Variants in NOS1AP observed in about 807,000 individuals in gnomAD.
NOS1AP encodes nitric oxide synthase 1 adaptor protein.
NOS1AP carries 21 observed loss-of-function variants against 56.2 expected under a neutral mutation model. The observed-to-expected ratio is 0.37, with a 90% CI of 0.26 to 0.54. NOS1AP has a LOEUF of 0.54. NOS1AP is among the 20% of genes least tolerant of loss of function. The pLI is 0.84. For synonymous variants in NOS1AP, 270 were observed against 274.6 expected (o/e 0.98, Z 0.17); for missense variants, 522 against 657.8 (o/e 0.79, Z 2.26).
intron 4 of NOS1AP, among the ~76,000 whole-genome samples, chr1:162,305,315 C>T (rs571241756): frequency 2.6e-4 from 39 of 152,120 alleles, no homozygotes; most frequent in African/African-American, 8.9e-4. Context: ...TTTTTAGCCC[C>T]GGTCACCTCT....
chr1:162,151,216 A>T (rs1349096047), intron 1 of NOS1AP, among the ~76,000 whole-genome samples: 1 of 152,204 alleles, frequency 6.6e-6, no homozygotes. Flanking sequence ...TATTGAAGAG[A>T]CTATTCTTTC....
At chr1:162,336,586 G>A (rs1656947269) in intron 5 of NOS1AP, among the ~76,000 whole-genome samples, 1 of 152,104 alleles carries the variant, frequency 6.6e-6, no homozygotes, top group East Asian at 1.9e-4. Flanking sequence ...ACTCAATTTT[G>A]TAGTTGAAGA....
At chr1:162,236,832 C>A (rs1209826978) in intron 2 of NOS1AP, among the ~76,000 whole-genome samples, 1 of 152,218 alleles carries the variant, frequency 6.6e-6, no homozygotes, top group Non-Finnish European at 1.5e-5. Flanking sequence ...GGTCTGCATG[C>A]AGGCTGTACT....
chr1:162,310,716 T>C (rs961894905), intron 4 of NOS1AP, among the ~76,000 whole-genome samples: 5 of 152,208 alleles, frequency 3.3e-5, no homozygotes, highest in Admixed American at 6.5e-5. Flanking sequence ...CAATCCCTTA[T>C]TCATCCTGGT....
At chr1:162,147,314 A>G (rs1649511149) in intron 1 of NOS1AP, among the ~76,000 whole-genome samples, 1 of 147,792 alleles carries the variant, frequency 6.8e-6, no homozygotes, top group Admixed American at 6.7e-5. Context: ...CCTGGGCGAC[A>G]GAGCGAGACT....
chr1:162,138,541 T>C (rs1444934838), intron 1 of NOS1AP, among the ~76,000 whole-genome samples: 1 of 152,210 alleles, frequency 6.6e-6, no homozygotes, highest in Non-Finnish European at 1.5e-5. Context: ...AGGGAGAAGC[T>C]GGTGAGGCCA....
chr1:162,264,838 G>A (rs1224418797), intron 2 of NOS1AP, among the ~76,000 whole-genome samples: 1 of 146,852 alleles, frequency 6.8e-6, no homozygotes, highest in Non-Finnish European at 1.5e-5. Flanking sequence ...TTTCAAGACA[G>A]GGTTGCACTC....
intron 2 of NOS1AP, among the ~76,000 whole-genome samples, chr1:162,258,385 G>C (rs1033615167): frequency 4.1e-4 from 63 of 152,160 alleles, no homozygotes; most frequent in Admixed American, 2.0e-3. Context: ...GGAGGTGATG[G>C]TTGGGGGAAG....
intron 4 of NOS1AP, among the ~76,000 whole-genome samples, chr1:162,307,334 C>G (rs1655867275): frequency 6.6e-6 from 1 of 152,140 alleles, no homozygotes; most frequent in South Asian, 2.1e-4. Flanking sequence ...AAACAAAACT[C>G]CTTTTTAAAA....
At chr1:162,184,313 T>G (rs909339499) in intron 2 of NOS1AP, among the ~76,000 whole-genome samples, 1 of 152,154 alleles carries the variant, frequency 6.6e-6, no homozygotes, top group Non-Finnish European at 1.5e-5. Context: ...AATCACAAAT[T>G]ATCATAACAG....
chr1:162,090,567 G>GT (rs1401391485), intron 1 of NOS1AP, among the ~76,000 whole-genome samples: 9 of 152,166 alleles, frequency 5.9e-5, no homozygotes, highest in African/African-American at 2.2e-4. Flanking sequence ...TTATCCATAT[G>GT]TTGGTTCTTG....
At chr1:162,274,663 G>A (rs1230407716) in intron 2 of NOS1AP, among the ~76,000 whole-genome samples, 1 of 152,190 alleles carries the variant, frequency 6.6e-6, no homozygotes, top group African/African-American at 2.4e-5. Flanking sequence ...GCTGTAATCA[G>A]GTCTGAGTGT....
chr1:162,302,480 A>T (rs1655698276), intron 4 of NOS1AP, among the ~76,000 whole-genome samples: 1 of 152,186 alleles, frequency 6.6e-6, no homozygotes, highest in Admixed American at 6.5e-5. Context: ...TGCATTTTGT[A>T]AAAGGAAGAG....
At chr1:162,220,561 G>A (rs917634246) in intron 2 of NOS1AP, among the ~76,000 whole-genome samples, 1 of 152,164 alleles carries the variant, frequency 6.6e-6, no homozygotes, top group Admixed American at 6.5e-5. Context: ...TGGACTTGGA[G>A]TCTCCCATGT....
At chr1:162,317,672 C>T (rs1182221956) in intron 4 of NOS1AP, 2 of 152,166 alleles carry the variant, frequency 1.3e-5, no homozygotes, top group African/African-American at 4.8e-5. Context: ...TCCCTCAGGT[C>T]CTGAGAGCCA....
intron 3 of NOS1AP, among the ~76,000 whole-genome samples, chr1:162,297,597 C>T (rs116501925): frequency 6.6e-6 from 1 of 152,294 alleles, no homozygotes; most frequent in Non-Finnish European, 1.5e-5. Context: ...CCCAGGGTCA[C>T]ATCAGAACCA....
chr1:162,148,979 G>A lies in NOS1AP; in HGVS notation c.106-5426G>A, dbSNP rs115189326. ...ACTCAAGTTTCATGCTTGAAAAACC[G>A]GTGGATTTCCTGGGGGCTGCTAATC... On this transcript the variant is annotated intron_variant, in intron 1 of 9. Coordinates refer to ENST00000361897, the MANE Select transcript of NOS1AP (RefSeq NM_014697.3). Among the ~76,000 whole-genome samples the A allele has an allele frequency of 6.3e-3, 955 of 152,268 alleles. 6 individuals carry two copies. Among genetic ancestry groups the A allele is most frequent in the African/African-American group, 0.022 (896 of 41,548 alleles).
chr1:162,244,139 G>T (rs745357499), intron 2 of NOS1AP, among the ~76,000 whole-genome samples: 1 of 152,160 alleles, frequency 6.6e-6, no homozygotes, highest in Non-Finnish European at 1.5e-5. Flanking sequence ...CCCTGAAGTT[G>T]AGTGAGTAGG....
intron 1 of NOS1AP, among the ~76,000 whole-genome samples, chr1:162,120,383 G>A (rs1648157974): frequency 6.6e-6 from 1 of 152,120 alleles, no homozygotes; most frequent in Admixed American, 6.6e-5. Context: ...TTACAAACAG[G>A]GAAACAAGGA....
Sources: allele counts gnomAD v4.1 joint callset (sites outside exome capture counted in the v4.1 genomes callset), GRCh38; gene constraint gnomAD v4.1.1; transcripts MANE v1.5; gene names NCBI Gene and HGNC (gene_info 2026-07-23, HGNC 2026-07-21).